The following CHI3L1 variants were observed in gnomAD, a reference collection of about 807,000 sequenced individuals.
CHI3L1 encodes chitinase 3 like 1, also known as chitinase-3-like protein 1.
Under a neutral mutation model 40.7 loss-of-function variants are expected in CHI3L1, and 30 were observed. The ratio of observed to expected loss-of-function variants is 0.74; its 90% CI spans 0.55 to 1.00. The LOEUF is 1.00. CHI3L1 is among the 50% of genes least tolerant of loss of function. The pLI is 0.00. For missense variants in CHI3L1, 493 were observed against 492.2 expected (o/e 1.00, Z -0.01); for synonymous variants, 210 against 192.1 (o/e 1.09, Z -0.77).
intron 4 of CHI3L1, 150 bp downstream of exon 4, chr1:203,184,426 A>G (rs947571637): frequency 3.8e-5 from 25 of 649,826 alleles, no homozygotes; most frequent in African/African-American, 3.6e-4. Flanking sequence ...TCTTTGCTAC[A>G]CATCAGGCAG....
chr1:203,186,128 A>G (rs1292237678), intron 2 of CHI3L1, among the ~76,000 whole-genome samples, 188 bp downstream of exon 2: 1 of 152,194 alleles, frequency 6.6e-6, no homozygotes. Flanking sequence ...CACATATACC[A>G]AAGAGTATAG....
intron 5 of CHI3L1, 81 bp downstream of exon 5, chr1:203,183,560 C>T (rs1655990791): frequency 6.8e-7 from 1 of 1,469,674 alleles, no homozygotes; most frequent in African/African-American, 1.4e-5. Flanking sequence ...CTCAGGAGGA[C>T]AGCAGCTGAC....
chr1:203,179,328 G>GA lies in CHI3L1; in HGVS notation c.*116dup, dbSNP rs1655875665. ...GTGGACCTCTGCATAGGCCCCAAGG[G>GA]AGGGAGACTGAGGCTCAGCCTGGGA... is the stretch of plus-strand genomic sequence containing the variant. On this transcript the variant is annotated 3_prime_UTR_variant, in exon 10 of 10. Coordinates refer to ENST00000255409, the MANE Select transcript of CHI3L1 (RefSeq NM_001276.4). 3.3e-6 allele frequency: 3 copies of GA among 920,880 alleles called. No homozygotes were observed. Among genetic ancestry groups the GA allele is most frequent in the Non-Finnish European group, 5.0e-6 (3 of 600,792 alleles). 57.0% of individuals were successfully genotyped at this position (920,880 alleles called of 1,614,324 possible). A position where few individuals can be genotyped will look rare whatever the true frequency, so the allele number is the denominator to read the frequency against.
Position 203,180,658 on chromosome 1 carries a change from T to C in CHI3L1, c.712-6A>G. 1.0e-6 allele frequency: 1 copy of C among 985,510 alleles called. No individual in the cohort carries two copies. Among genetic ancestry groups the C allele is most frequent in the Non-Finnish European group, 1.5e-6 (1 of 668,738 alleles). The allele number at this position is 985,510 out of a possible 1,614,324, so 61.0% of individuals were successfully genotyped here. A position where few individuals can be genotyped will look rare whatever the true frequency, so the allele number is the denominator to read the frequency against. ...ATGTACCCCACAGCATAGTCCTGGG[T>C]GGGGTAGGGTGGGAACAACGTGAGC... On this transcript the variant is annotated splice_polypyrimidine_tract_variant and splice_region_variant and intron_variant, in intron 7 of 9. Coordinates refer to ENST00000255409, the MANE Select transcript of CHI3L1 (RefSeq NM_001276.4).
Position 203,179,744 on chromosome 1 carries a change from G to A in CHI3L1, c.1011+17C>T. The A allele has an allele frequency of 6.2e-7, 1 of 1,614,160 alleles. No homozygotes were observed. The highest frequency in any genetic ancestry group is 8.5e-7 in the Non-Finnish European group (1 of 1,180,012). On this transcript the variant is annotated intron_variant, in intron 9 of 9. Transcript: ENST00000255409. ...TTCTTTCTCTTTGTCCTGAGGTGTG[G>A]CCTTGGGGAAACCTACCTTGCTTTT...
chr1:203,181,557 G>C, intron 6 of CHI3L1: 1 of 289,516 alleles, frequency 3.5e-6, no homozygotes, highest in Non-Finnish European at 6.6e-6. Flanking sequence ...GGCGGCAGAG[G>C]TTGTGCCACT....
In CHI3L1 at chr1:203,179,836, G is replaced by A. The variant is rs745405154; in HGVS notation, c.936C>T (p.Leu312=). ...TGGTGGCATAGGGGACCTGCTGGCC[G>A]AGGATTCTATGGACTGTGGCTCCGC... ...FLRGATVHRI[L]GQQVPYATKG... The change falls in exon 9 of 10, where the codon CTC becomes CTT. Residue 312 remains leucine (L), a synonymous_variant. Coordinates refer to ENST00000255409, the MANE Select transcript of CHI3L1 (RefSeq NM_001276.4). 10 of 1,614,030 alleles carry A rather than the reference G, an allele frequency of 6.2e-6. No individual in the cohort carries two copies. Among genetic ancestry groups the A allele is most frequent in the Admixed American group, 1.7e-5 (1 of 60,014 alleles).
chr1:203,181,247 T>C lies in CHI3L1; in HGVS notation c.626A>G (p.His209Arg), dbSNP rs781483934. Residue 209 changes from histidine to arginine, a missense_variant, in exon 7 of 10, where the codon CAT becomes CGT. Coordinates refer to ENST00000255409, the MANE Select transcript of CHI3L1 (RefSeq NM_001276.4). ...GCCTGTGGTCCCACGCCAGGCTCCATGAAAATCGTAGGTCATGATGCTAAT... is the reference window on the plus strand; with the variant it reads ...GCCTGTGGTCCCACGCCAGGCTCCACGAAAATCGTAGGTCATGATGCTAAT... Reference protein sequence around the residue: ...DFISIMTYDFHGAWRGTTGHH... With the variant: ...DFISIMTYDFRGAWRGTTGHH... The C allele has an allele frequency of 6.2e-6, 10 of 1,613,814 alleles. No homozygotes were observed. The highest frequency in any genetic ancestry group is 1.3e-5 in the African/African-American group (1 of 74,908).
Position 203,181,249 on chromosome 1 carries a change from A to G in CHI3L1, c.624T>C (p.Phe208=). 1 of 1,614,066 alleles carries G rather than the reference A, an allele frequency of 6.2e-7. No homozygotes were observed. The highest frequency in any genetic ancestry group is 1.1e-5 in the South Asian group (1 of 91,068). The part of the protein sequence containing the change: ...LDFISIMTYD[F]HGAWRGTTGH... Reference sequence around the variant, plus strand: ...CTGTGGTCCCACGCCAGGCTCCATGAAAATCGTAGGTCATGATGCTAATGA... The same window carrying G: ...CTGTGGTCCCACGCCAGGCTCCATGGAAATCGTAGGTCATGATGCTAATGA... The change falls in exon 7 of 10, where the codon TTT becomes TTC. Residue 208 remains phenylalanine (F), a synonymous_variant. Coordinates refer to ENST00000255409, the MANE Select transcript of CHI3L1 (RefSeq NM_001276.4).
chr1:203,182,955 C>T (rs1655967827), intron 5 of CHI3L1, 103 bp from the exon 6 acceptor site: 1 of 1,211,388 alleles, frequency 8.3e-7, no homozygotes, highest in East Asian at 2.5e-5. Flanking sequence ...TGCTGTACTC[C>T]CCAACCTGCC....
At chr1:203,182,946 G>T (rs1237360160) in intron 5 of CHI3L1, 94 bp from the exon 6 acceptor site, 3 of 1,352,126 alleles carry the variant, frequency 2.2e-6, no homozygotes, top group African/African-American at 1.4e-5. Flanking sequence ...CAACCCATTT[G>T]CTGTACTCCC....
At chr1:203,179,984 CA>C in intron 8 of CHI3L1, 107 bp from the exon 9 acceptor site, 4 of 991,588 alleles carry the variant, frequency 4.0e-6, no homozygotes, top group Non-Finnish European at 6.1e-6. Flanking sequence ...CTCCATCCTG[CA>C]GCCTCACTCT....
chr1:203,184,964 C>A (rs538761771), intron 3 of CHI3L1, among the ~76,000 whole-genome samples: 1 of 152,244 alleles, frequency 6.6e-6, no homozygotes, highest in Admixed American at 6.5e-5. Context: ...GGGTTCCCCT[C>A]TCCCAGAGGG....
chr1:203,183,745 T>C lies in CHI3L1; in HGVS notation c.361A>G (p.Lys121Glu). ...SNTQSRRTFI[K>E]SVPPFLRTHG... is the part of the protein sequence containing the mutation. ...GTGCGCAGAAATGGCGGTACTGACT[T>C]GATGAAAGTCCGGCGACTCTGGGTG... is the stretch of plus-strand genomic sequence containing the variant. Residue 121 changes from lysine to glutamate, a missense_variant, in exon 5 of 10, where the codon AAG becomes GAG. By Grantham distance (56) the Lys-to-Glu change is moderately conservative. Coordinates refer to ENST00000255409, the MANE Select transcript of CHI3L1 (RefSeq NM_001276.4). 1.2e-6 allele frequency: 2 copies of C among 1,614,142 alleles called. No individual in the cohort carries two copies. The highest frequency in any genetic ancestry group is 1.7e-6 in the Non-Finnish European group (2 of 1,179,972).
Position 203,183,768 on chromosome 1 carries a change from G to A in CHI3L1, c.338C>T (p.Thr113Ile). The A allele has an allele frequency of 1.2e-6, 2 of 1,614,210 alleles. No individual in the cohort carries two copies. Among genetic ancestry groups the A allele is most frequent in the South Asian group, 1.1e-5 (1 of 91,090 alleles). Residue 113 changes from threonine (T) to isoleucine (I), a missense_variant, in exon 5 of 10, where the codon ACC (threonine) becomes ATC (isoleucine). Transcript: ENST00000255409. Reference sequence around the variant, plus strand: ...CTTGATGAAAGTCCGGCGACTCTGGGTGTTGGAGGCTATCTTGGAAAATCT... The same window carrying A: ...CTTGATGAAAGTCCGGCGACTCTGGATGTTGGAGGCTATCTTGGAAAATCT... Reference protein sequence around the residue: ...SQRFSKIASNTQSRRTFIKSV... With the variant: ...SQRFSKIASNIQSRRTFIKSV...
intron 2 of CHI3L1, among the ~76,000 whole-genome samples, chr1:203,185,803 C>A (rs751597288): frequency 4.6e-5 from 7 of 152,144 alleles, no homozygotes; most frequent in Non-Finnish European, 8.8e-5. Flanking sequence ...CCTTTAGTGA[C>A]CTGCAGTGAG....
chr1:203,185,108 T>C, intron 3 of CHI3L1, 76 bp downstream of exon 3: 1 of 1,295,388 alleles, frequency 7.7e-7, no homozygotes, highest in African/African-American at 1.5e-5. Flanking sequence ...GGCCTCGCCC[T>C]TCCTCCTGGG....
chr1:203,181,032 T>C, intron 7 of CHI3L1, 130 bp downstream of exon 7: 2 of 1,235,884 alleles, frequency 1.6e-6, no homozygotes, highest in South Asian at 3.1e-5. Context: ...AGTTTCCTTA[T>C]CTGTGGAATG....
Position 203,184,645 on chromosome 1 carries a change from G to A in CHI3L1, c.258-13C>T. ...CAGGTTGGGGTTCCTGTGGAGCACA[G>A]GGAGGTGGGGAGGGCAGGAGTGGAA... On this transcript the variant is annotated splice_polypyrimidine_tract_variant and intron_variant, in intron 3 of 9. Coordinates refer to ENST00000255409, the MANE Select transcript of CHI3L1 (RefSeq NM_001276.4). 6.2e-7 allele frequency: 1 copy of A among 1,611,786 alleles called. No homozygotes were observed. Among genetic ancestry groups the A allele is most frequent in the Non-Finnish European group, 8.5e-7 (1 of 1,177,854 alleles).
Sources: allele counts gnomAD v4.1 joint callset (sites outside exome capture counted in the v4.1 genomes callset), GRCh38; gene constraint gnomAD v4.1.1; transcripts MANE v1.5; gene names NCBI Gene and HGNC (gene_info 2026-07-23, HGNC 2026-07-21).